AKAP13: variants seen among roughly 807,000 people sequenced by gnomAD.
AKAP13 encodes the protein A-kinase anchor protein 13.
A neutral mutation model predicts 264.5 loss-of-function variants in AKAP13; 80 were observed. That is an observed-to-expected ratio of 0.30 (90% CI 0.25 to 0.36). The LOEUF (loss-of-function observed/expected upper bound fraction) is 0.36, where lower values mean the gene tolerates loss of function less well. Among genes scored for constraint, AKAP13 ranks in the 10% least tolerant of loss-of-function variants. AKAP13 has a pLI of 1.00. For missense variants in AKAP13, 3,712 were observed against 3,435.2 expected (o/e 1.08, Z -2.01); for synonymous variants, 1,380 against 1,250.2 (o/e 1.10, Z -2.19).
At chr15:85,560,803 T>A (rs1299977663) in intron 5 of AKAP13, among the ~76,000 whole-genome samples, 2 of 152,230 alleles carry the variant, frequency 1.3e-5, no homozygotes, top group Admixed American at 6.5e-5. Flanking sequence ...TAGGCTAAAT[T>A]TCAAGGAATT....
At chr15:85,733,992 C>T (rs1428276590) in intron 30 of AKAP13, among the ~76,000 whole-genome samples, 2 of 150,402 alleles carry the variant, frequency 1.3e-5, no homozygotes, top group Non-Finnish European at 3.0e-5. Flanking sequence ...GGGCATGCAC[C>T]ACCATGCCCG....
chr15:85,609,424 C>A (rs897443083), intron 8 of AKAP13, among the ~76,000 whole-genome samples: 1 of 152,190 alleles, frequency 6.6e-6, no homozygotes, highest in Admixed American at 6.5e-5. Flanking sequence ...TAGGCTCATC[C>A]ATCTTGCCAT....
chr15:85,613,178 G>A (rs1200575767), intron 8 of AKAP13, among the ~76,000 whole-genome samples: 1 of 152,104 alleles, frequency 6.6e-6, no homozygotes, highest in Non-Finnish European at 1.5e-5. Context: ...AACATAAATG[G>A]TTATCAAACA....
intron 9 of AKAP13, among the ~76,000 whole-genome samples, chr15:85,639,858 T>A (rs1320951708): frequency 1.3e-5 from 2 of 152,174 alleles, no homozygotes; most frequent in African/African-American, 4.8e-5. Flanking sequence ...ATATTCTGAT[T>A]TAATTGGGTG....
chr15:85,566,011 AGGTGCATGGTAACATT>A (rs888747527), intron 5 of AKAP13, among the ~76,000 whole-genome samples: 5 of 152,232 alleles, frequency 3.3e-5, no homozygotes, highest in Admixed American at 1.3e-4. Flanking sequence ...TTGGGAACAT[AGGTGCATGGTAACATT>A]GGTGCATGGT....
intron 20 of AKAP13, among the ~76,000 whole-genome samples, chr15:85,716,268 A>G (rs1219291975): frequency 1.3e-5 from 2 of 152,208 alleles, no homozygotes; most frequent in East Asian, 1.9e-4. Flanking sequence ...TTGGGTTGCA[A>G]CCACTTACAG....
intron 4 of AKAP13, chr15:85,534,686 C>T (rs2077336134): frequency 6.6e-6 from 1 of 152,034 alleles, no homozygotes; most frequent in South Asian, 2.1e-4. Context: ...AATCTACCCA[C>T]CTCGGCCTCC....
intron 5 of AKAP13, among the ~76,000 whole-genome samples, chr15:85,566,192 A>G (rs2078599897): frequency 6.6e-6 from 1 of 152,244 alleles, no homozygotes; most frequent in Non-Finnish European, 1.5e-5. Flanking sequence ...AATCAGGTAC[A>G]TTTTGATCAA....
Position 85,543,926 on chromosome 15 carries a change from C to G in AKAP13, c.633C>G (p.Gly211=). ...CTGTGAGCTTGGCCTTGGAGCGAGG[C>G]TATCACAAGCTGCACCAGCTTCTAA... ...ATPVSLALER[G]YHKLHQLLTE... The change falls in exon 5 of 37, where the codon GGC becomes GGG. Residue 211 remains glycine, a synonymous_variant. Transcript: ENST00000394518. The G allele has an allele frequency of 6.2e-7, 1 of 1,613,298 alleles. No individual in the cohort carries two copies. Among genetic ancestry groups the G allele is most frequent in the Non-Finnish European group, 8.5e-7 (1 of 1,179,388 alleles).
At chr15:85,608,975 A>T (rs1448101337) in intron 8 of AKAP13, among the ~76,000 whole-genome samples, 2 of 152,120 alleles carry the variant, frequency 1.3e-5, no homozygotes, top group Non-Finnish European at 2.9e-5. Context: ...AGCATAACAC[A>T]TACACTTTTT....
Position 85,579,405 on chromosome 15 carries a change from T to A in AKAP13, c.1337T>A (p.Leu446His). The part of the protein sequence containing the change: ...QESLSSGDAV[L>H]QRDLVMEPGT... ...TCCCTGAGCAGTGGAGATGCTGTGCTTCAGAGAGACTTGGTCATGGAGCCA... is the reference window on the plus strand; with the variant it reads ...TCCCTGAGCAGTGGAGATGCTGTGCATCAGAGAGACTTGGTCATGGAGCCA... Residue 446 changes from leucine to histidine, a missense_variant, in exon 7 of 37, where the codon CTT (leucine) becomes CAT (histidine). Leu to His is a moderately conservative substitution (Grantham distance 99). This residue lies in a region of AKAP13 where 2,759 missense variants were observed against 2,411.7 expected (regional missense o/e 1.14). Coordinates refer to ENST00000394518, the MANE Select transcript of AKAP13 (RefSeq NM_007200.5). 1.9e-6 allele frequency: 3 copies of A among 1,614,144 alleles called. No individual in the cohort carries two copies. The South Asian group carries it at 3.3e-5, about 18-fold the overall frequency.
intron 32 of AKAP13, 84 bp from the exon 33 acceptor site, chr15:85,736,006 C>T: frequency 8.9e-7 from 1 of 1,120,060 alleles, no homozygotes; most frequent in East Asian, 2.4e-5. Context: ...AAATGGAAAG[C>T]TACAGCCTAA....
At chr15:85,523,701 G>C (rs1411276364) in intron 3 of AKAP13, among the ~76,000 whole-genome samples, 2 of 152,142 alleles carry the variant, frequency 1.3e-5, no homozygotes, top group Non-Finnish European at 1.5e-5. Context: ...ACTGTCACTT[G>C]ATAGAACAAC....
intron 2 of AKAP13, among the ~76,000 whole-genome samples, chr15:85,501,457 T>G (rs1051233081): frequency 6.6e-6 from 1 of 152,172 alleles, no homozygotes; most frequent in South Asian, 2.1e-4. Flanking sequence ...TTCTGGTGAG[T>G]ATGGGACGTT....
chr15:85,639,411 C>G lies in AKAP13; in HGVS notation c.4199C>G (p.Pro1400Arg), dbSNP rs1461798612. 6.2e-7 allele frequency: 1 copy of G among 1,613,090 alleles called. No homozygotes were observed. Among genetic ancestry groups the G allele is most frequent in the Non-Finnish European group, 8.5e-7 (1 of 1,179,728 alleles). Residue 1400 changes from proline (P) to arginine (R), a missense_variant, in exon 9 of 37, where the codon CCT becomes CGT. Pro to Arg is a moderately radical substitution (Grantham distance 103). Transcript: ENST00000394518. ...RENWCTIEPC[P>R]DAASLLASKQ... ...AACTGGTGTACAATAGAGCCATGCC[C>G]TGATGCAGCATCTCTTCTGGCTTCC...
intron 33 of AKAP13, among the ~76,000 whole-genome samples, chr15:85,738,916 A>G (rs915068972): frequency 1.3e-5 from 2 of 151,288 alleles, no homozygotes; most frequent in Non-Finnish European, 2.9e-5. Context: ...TCCGAGTTGT[A>G]TATGTGTGAA....
At position 85,555,559 on chromosome 15, in the gene AKAP13, C is replaced by CT. The variant is rs2078113253; in HGVS notation, c.662+11609dup. ...GTTTATTCTCTGACATTTTCTCTGG[C>CT]TTTTTGCTGTAACTCAACCTGAAGC... On this transcript the variant is annotated intron_variant, in intron 5 of 36. Coordinates refer to ENST00000394518, the MANE Select transcript of AKAP13 (RefSeq NM_007200.5). 6.4e-6 allele frequency: 7 copies of CT among 1,090,944 alleles called. No individual in the cohort carries two copies. In the South Asian group the frequency reaches 9.1e-5, roughly 14 times the overall value. The allele number at this position is 1,090,944 out of a possible 1,614,324, so 67.6% of individuals were successfully genotyped here.
chr15:85,694,358 G>A (rs2085453558), intron 17 of AKAP13, among the ~76,000 whole-genome samples: 1 of 152,174 alleles, frequency 6.6e-6, no homozygotes, highest in Non-Finnish European at 1.5e-5. Flanking sequence ...AGTATCTTAG[G>A]CATCGTGACC....
At chr15:85,734,861 G>T in intron 30 of AKAP13, 131 bp from the exon 31 acceptor site, 1 of 1,255,966 alleles carries the variant, frequency 8.0e-7, no homozygotes, top group Non-Finnish European at 1.1e-6. Context: ...CCTTCTCTGA[G>T]CAAAGGAACT....
Sources: allele counts gnomAD v4.1 joint callset (sites outside exome capture counted in the v4.1 genomes callset), GRCh38; gene constraint gnomAD v4.1.1; regional missense constraint gnomAD v4.1.1; transcripts MANE v1.5; gene names NCBI Gene and HGNC (gene_info 2026-07-23, HGNC 2026-07-21).